Variants in KCNQ3 observed in about 807,000 individuals in gnomAD.
The protein encoded by KCNQ3 is potassium voltage-gated channel subfamily Q member 3.
KCNQ3 carries 30 observed loss-of-function variants against 92.5 expected under a neutral mutation model. That is an observed-to-expected ratio of 0.32 (90% confidence interval 0.24 to 0.44). KCNQ3 has a LOEUF of 0.44. KCNQ3 is among the 20% of genes least tolerant of loss of function. KCNQ3 has a pLI of 1.00. For synonymous variants in KCNQ3, 450 were observed against 468.8 expected, an observed-to-expected ratio of 0.96 and a Z score of 0.52; for missense variants, 913 against 1,140.3, an observed-to-expected ratio of 0.80 and a Z score of 2.87.
chr8:132,375,190 C>T (rs1200362370), intron 1 of KCNQ3, among the ~76,000 whole-genome samples: 3 of 152,060 alleles, frequency 2.0e-5, no homozygotes, highest in Non-Finnish European at 2.9e-5. Flanking sequence ...CACCAACATT[C>T]ACTGCATTAC....
rs1343860111 is a variant in KCNQ3 at position 132,122,941 on chromosome 8, G to A, written c.*6321C>T. On this transcript the variant is annotated 3_prime_UTR_variant, in exon 15 of 15. Coordinates refer to ENST00000388996, the MANE Select transcript of KCNQ3 (RefSeq NM_004519.4). The stretch of plus-strand genomic sequence containing the variant: ...TCCTGTCTGCTTCTTTGTAGCTTTT[G>A]GTGAAGGCCCTAGAGTATCTGCTTA... The A allele has an allele frequency of 1.3e-5, 2 of 152,136 alleles. No individual in the cohort carries two copies. The highest frequency in any genetic ancestry group is 3.9e-4 in the East Asian group (2 of 5,184). The allele number at this position is 152,136 out of a possible 1,614,324, so 9.4% of individuals were successfully genotyped here. A position where few individuals can be genotyped will look rare whatever the true frequency, so the allele number is the denominator to read the frequency against.
At chr8:132,164,540 T>G (rs1345926243) in intron 8 of KCNQ3, among the ~76,000 whole-genome samples, 1 of 152,066 alleles carries the variant, frequency 6.6e-6, no homozygotes, top group Non-Finnish European at 1.5e-5. Flanking sequence ...TTAGTTACAG[T>G]GTGGCCTTGG....
At chr8:132,137,028 AT>A (rs34860665) in intron 12 of KCNQ3, among the ~76,000 whole-genome samples, 6,225 of 141,098 alleles carry the variant, frequency 0.044, 320 homozygotes, top group African/African-American at 0.13. Flanking sequence ...CCATGCCTGG[AT>A]TTTTTTTTTT....
chr8:132,435,077 T>C (rs968193227), intron 1 of KCNQ3, among the ~76,000 whole-genome samples: 5 of 152,156 alleles, frequency 3.3e-5, no homozygotes, highest in African/African-American at 1.2e-4. Context: ...GTGCTGAGCA[T>C]GCAAGGATGA....
intron 1 of KCNQ3, among the ~76,000 whole-genome samples, chr8:132,307,134 C>A (rs1308807094): frequency 1.3e-5 from 2 of 152,148 alleles, no homozygotes; most frequent in African/African-American, 4.8e-5. Flanking sequence ...AAACTTGGAG[C>A]CTGAGTTTGT....
chr8:132,284,887 C>T (rs576329408), intron 1 of KCNQ3, among the ~76,000 whole-genome samples: 30 of 152,212 alleles, frequency 2.0e-4, no homozygotes, highest in Non-Finnish European at 4.0e-4. Context: ...TGAGGGTGAG[C>T]ATGCCTCTCC....
Position 132,218,889 on chromosome 8 carries a change from T to C in KCNQ3, c.387-32708A>G, listed in dbSNP as rs1814127492. On this transcript the variant is annotated intron_variant, in intron 1 of 14. Transcript: ENST00000388996. ...CAGTCTCCCTTCCTCACTTCCCTTC[T>C]CTCCTTGGCCACAGAGGAATGGAGG... Among the ~76,000 whole-genome samples the C allele has an allele frequency of 2.0e-5, 3 of 152,118 alleles. No homozygotes were observed. The South Asian group carries it at 6.2e-4, about 31-fold the overall frequency.
At chr8:132,385,445 T>C (rs957335171) in intron 1 of KCNQ3, among the ~76,000 whole-genome samples, 2 of 152,190 alleles carry the variant, frequency 1.3e-5, no homozygotes, top group Non-Finnish European at 2.9e-5. Flanking sequence ...CAATCCCCAG[T>C]GCAGCAGTGT....
chr8:132,148,898 G>A lies in KCNQ3; in HGVS notation c.1263-7567C>T, dbSNP rs79331954. ...TGGCTTTCCTGGTGTTCCAGCTTGC[G>A]GACAGCAGATTGTGAGATTTCTCAG... On this transcript the variant is annotated intron_variant, in intron 9 of 14. Coordinates refer to ENST00000388996, the MANE Select transcript of KCNQ3 (RefSeq NM_004519.4). 5.5e-3 allele frequency among the ~76,000 whole-genome samples: 841 copies of A among 152,254 alleles called. 9 individuals are homozygous for A. Among genetic ancestry groups the A allele is most frequent in the East Asian group, 0.037 (190 of 5,168 alleles).
chr8:132,443,145 G>T (rs1362955468), intron 1 of KCNQ3, among the ~76,000 whole-genome samples: 21 of 152,200 alleles, frequency 1.4e-4, no homozygotes, highest in Non-Finnish European at 2.5e-4. Flanking sequence ...GGAAATAAAG[G>T]TAGGGAGGGG....
intron 1 of KCNQ3, among the ~76,000 whole-genome samples, chr8:132,246,669 T>C (rs1264824430): frequency 1.3e-5 from 2 of 152,246 alleles, no homozygotes; most frequent in East Asian, 3.8e-4. Context: ...GATTATTTAA[T>C]GGAGGATTCC....
At chr8:132,279,115 G>C (rs1816431668) in intron 1 of KCNQ3, among the ~76,000 whole-genome samples, 1 of 152,136 alleles carries the variant, frequency 6.6e-6, no homozygotes. Context: ...CTACTCAGGA[G>C]GCTCAGGCAG....
intron 1 of KCNQ3, among the ~76,000 whole-genome samples, chr8:132,464,662 A>G (rs1822132460): frequency 6.6e-6 from 1 of 152,226 alleles, no homozygotes; most frequent in African/African-American, 2.4e-5. Flanking sequence ...AGTGGTCTCC[A>G]TCCTGTACAC....
intron 1 of KCNQ3, among the ~76,000 whole-genome samples, chr8:132,244,374 CAGAG>C (rs1421682047): frequency 1.4e-5 from 2 of 138,586 alleles, no homozygotes; most frequent in African/African-American, 2.7e-5. Flanking sequence ...AAAAGAGAGA[CAGAG>C]AGAGAAAGGA....
At position 132,129,024 on chromosome 8, in the gene KCNQ3, T is replaced by C; in HGVS notation, c.*238A>G. On this transcript the variant is annotated 3_prime_UTR_variant, in exon 15 of 15. Coordinates refer to ENST00000388996, the MANE Select transcript of KCNQ3 (RefSeq NM_004519.4). This position sits in a 1 kb window ranked among gnomAD's most constrained non-coding sequence, Gnocchi z 5.9. ...GATAAATGTGTATCCTAGAAGAGAT[T>C]AGCGGAACCATTTATATAGTGTAAA... 1.7e-6 allele frequency: 1 copy of C among 577,040 alleles called. No individual in the cohort carries two copies. The highest frequency in any genetic ancestry group is 3.1e-6 in the Non-Finnish European group (1 of 323,472). 35.7% of individuals were successfully genotyped at this position (577,040 alleles called of 1,614,324 possible). A position where few individuals can be genotyped will look rare whatever the true frequency, so the allele number is the denominator to read the frequency against.
At chr8:132,437,070 G>T (rs2597325) in intron 1 of KCNQ3, among the ~76,000 whole-genome samples, 35,664 of 151,380 alleles carry the variant, frequency 0.24, 4,329 homozygotes, top group East Asian at 0.27. Context: ...ACGAGGTCAG[G>T]AGATCGAGAC....
chr8:132,269,372 T>C (rs1473945562), intron 1 of KCNQ3, among the ~76,000 whole-genome samples: 2 of 152,228 alleles, frequency 1.3e-5, no homozygotes, highest in Non-Finnish European at 2.9e-5. Flanking sequence ...TAGTTAACTT[T>C]TGTGAAGAGC....
At chr8:132,399,468 T>C (rs1016384535) in intron 1 of KCNQ3, among the ~76,000 whole-genome samples, 3 of 152,080 alleles carry the variant, frequency 2.0e-5, no homozygotes, top group African/African-American at 7.2e-5. Flanking sequence ...CCTTTGGGAG[T>C]CATTTTGTAT....
At chr8:132,281,583 A>T (rs1048522055) in intron 1 of KCNQ3, among the ~76,000 whole-genome samples, 1 of 151,378 alleles carries the variant, frequency 6.6e-6, no homozygotes, top group Non-Finnish European at 1.5e-5. Context: ...ATATGGACCT[A>T]CTTCATTCCA....
Sources: allele counts gnomAD v4.1 joint callset (sites outside exome capture counted in the v4.1 genomes callset), GRCh38; gene constraint gnomAD v4.1.1; non-coding constraint Gnocchi (gnomAD v3.1); transcripts MANE v1.5; gene names NCBI Gene and HGNC (gene_info 2026-07-23, HGNC 2026-07-21).